Variants in ITGA4 observed in about 807,000 individuals in gnomAD.
ITGA4 encodes the protein integrin alpha-4.
Under a neutral mutation model 133.6 loss-of-function variants are expected in ITGA4, and 63 were observed. That is an observed-to-expected ratio of 0.47 (90% CI 0.38 to 0.58). The LOEUF (loss-of-function observed/expected upper bound fraction) is 0.58, where lower values mean the gene tolerates loss of function less well. ITGA4 is among the 20% of genes least tolerant of loss of function. ITGA4 has a pLI of 0.00. For missense variants in ITGA4, 1,076 were observed against 1,252.7 expected (o/e 0.86, Z 2.13); for synonymous variants, 483 against 438.0 (o/e 1.10, Z -1.28).
chr2:181,470,285 T>G (rs1422067916), intron 2 of ITGA4, among the ~76,000 whole-genome samples: 1 of 152,084 alleles, frequency 6.6e-6, no homozygotes, highest in Non-Finnish European at 1.5e-5. Flanking sequence ...TATGAGATTT[T>G]CTTGCAATTT....
chr2:181,538,775 G>C lies in ITGA4; in HGVS notation c.*3248G>C, dbSNP rs1298521136. ...CAGATGGCTCCACTAAAAGATTTAA[G>C]ATCTTGATCCATTTTTAAAAATCCA... On this transcript the variant is annotated 3_prime_UTR_variant, in exon 28 of 28. Coordinates refer to ENST00000397033, the MANE Select transcript of ITGA4 (RefSeq NM_000885.6). 4.6e-5 allele frequency among the ~76,000 whole-genome samples: 7 copies of C among 152,272 alleles called. No individual in the cohort carries two copies. Among genetic ancestry groups the C allele is most frequent in the Admixed American group, 4.6e-4 (7 of 15,282 alleles).
chr2:181,528,412 C>T (rs1686876818), intron 22 of ITGA4, among the ~76,000 whole-genome samples: 1 of 152,196 alleles, frequency 6.6e-6, no homozygotes, highest in Admixed American at 6.5e-5. Flanking sequence ...TATTAATTTA[C>T]AATTAATAGT....
chr2:181,473,745 A>C (rs1685609334), intron 2 of ITGA4, among the ~76,000 whole-genome samples: 1 of 152,200 alleles, frequency 6.6e-6, no homozygotes, highest in South Asian at 2.1e-4. Flanking sequence ...AAGCAAGAGG[A>C]TCACTTGAGG....
chr2:181,474,882 G>T, intron 2 of ITGA4, 78 bp from the exon 3 acceptor site: 1 of 988,154 alleles, frequency 1.0e-6, no homozygotes, highest in Non-Finnish European at 1.6e-6. Flanking sequence ...GAAAAATACT[G>T]GGGATGAGTG....
intron 22 of ITGA4, among the ~76,000 whole-genome samples, chr2:181,528,660 A>C (rs1686882205): frequency 6.6e-6 from 1 of 152,180 alleles, no homozygotes; most frequent in Non-Finnish European, 1.5e-5. Context: ...CTGTGCTTTT[A>C]TGGATTAGCA....
rs947418437 is a variant in ITGA4, at chr2:181,534,360, A to C, written c.2873A>C (p.Asn958Thr). The change falls in exon 26 of 28, where the codon AAT (asparagine) becomes ACT (threonine). Residue 958 changes from asparagine (N) to threonine (T), a missense_variant. Coordinates refer to ENST00000397033, the MANE Select transcript of ITGA4 (RefSeq NM_000885.6). Reference protein sequence around the residue: ...PRVIELNKDENVAHVLLEGLH... With the variant: ...PRVIELNKDETVAHVLLEGLH... ...GTAATTGAACTAAACAAGGATGAGAATGTTGCGCATGTAAGATTACCCTCT... is the reference window on the plus strand; with the variant it reads ...GTAATTGAACTAAACAAGGATGAGACTGTTGCGCATGTAAGATTACCCTCT... The C allele has an allele frequency of 1.9e-6, 3 of 1,570,886 alleles. No individual in the cohort carries two copies. Among genetic ancestry groups the C allele is most frequent in the Non-Finnish European group, 2.6e-6 (3 of 1,141,398 alleles).
At chr2:181,531,496 A>G (rs893439141) in intron 24 of ITGA4, among the ~76,000 whole-genome samples, 161 bp from the exon 25 acceptor site, 3 of 152,242 alleles carry the variant, frequency 2.0e-5, no homozygotes, top group Non-Finnish European at 4.4e-5. Flanking sequence ...GTTTAAAGGT[A>G]ATTTAAATGC....
rs1224520294 is a variant in ITGA4 at position 181,538,840 on chromosome 2, C to T, written c.*3313C>T. Among the ~76,000 whole-genome samples, 2 of 152,124 alleles carry T rather than the reference C, an allele frequency of 1.3e-5. No individual in the cohort carries two copies. The highest frequency in any genetic ancestry group is 2.4e-5 in the African/African-American group (1 of 41,442). ...GACATTATCTGTAGTTTATGCACAA[C>T]AATAAATTAGAAAGCCAATGTAGAC... On this transcript the variant is annotated 3_prime_UTR_variant, in exon 28 of 28. Coordinates refer to ENST00000397033, the MANE Select transcript of ITGA4 (RefSeq NM_000885.6).
In ITGA4 at chr2:181,477,474, T is replaced by C. The variant is rs541537995; in HGVS notation, c.557-1283T>C. Among the ~76,000 whole-genome samples, 3 of 152,234 alleles carry C rather than the reference T, an allele frequency of 2.0e-5. No individual in the cohort carries two copies. In the South Asian group the frequency reaches 6.2e-4, roughly 32 times the overall value. On this transcript the variant is annotated intron_variant, in intron 4 of 27. Transcript: ENST00000397033. ...GCATAAGTCCTATATATTTAAAATG[T>C]ATAAGGATCTCACCAACTCGATAGC...
chr2:181,515,087 G>C (rs531125083), intron 17 of ITGA4, among the ~76,000 whole-genome samples: 83 of 152,044 alleles, frequency 5.5e-4, no homozygotes, highest in African/African-American at 2.0e-3. Flanking sequence ...GAACTAAAGG[G>C]GACCAGGCCA....
At position 181,530,639 on chromosome 2, in the gene ITGA4, A is replaced by T. The variant is rs746593735; in HGVS notation, c.2654A>T (p.Lys885Met). 6.2e-7 allele frequency: 1 copy of T among 1,611,228 alleles called. No homozygotes were observed. The highest frequency in any genetic ancestry group is 1.1e-5 in the South Asian group (1 of 90,550). Residue 885 changes from lysine (K) to methionine (M), a missense_variant, in exon 24 of 28, where the codon AAG becomes ATG. Lys to Met is a moderately conservative substitution (Grantham distance 95). This residue lies in a region of ITGA4 where 193 missense variants were observed against 172.3 expected (regional missense o/e 1.12). Transcript: ENST00000397033. Reference protein sequence around the residue: ...GIVRFLSKTDKRLLYCIKADP... With the variant: ...GIVRFLSKTDMRLLYCIKADP... ...GTCCGGTTCTTGTCCAAGACTGATA[A>T]GAGGCTATTGGTAAGTTTCAGTTTT...
Position 181,458,282 on chromosome 2 carries a change from A to G in ITGA4, c.284A>G (p.Lys95Arg), listed in dbSNP as rs1685182771. 2 of 1,612,986 alleles carry G rather than the reference A, an allele frequency of 1.2e-6. No individual in the cohort carries two copies. The highest frequency in any genetic ancestry group is 1.7e-6 in the Non-Finnish European group (2 of 1,179,504). ...GCGATTTACAGATGCAGGATCGGAA[A>G]GAATCCCGGCCAGACGTGCGAACAG... ...PGAIYRCRIG[K>R]NPGQTCEQLQ... is the part of the protein sequence containing the mutation. Residue 95 changes from lysine (K) to arginine (R), a missense_variant, in exon 2 of 28, where the codon AAG becomes AGG. This residue lies in a region of ITGA4 where 436 missense variants were observed against 590.7 expected (regional missense o/e 0.74). Coordinates refer to ENST00000397033, the MANE Select transcript of ITGA4 (RefSeq NM_000885.6).
intron 15 of ITGA4, among the ~76,000 whole-genome samples, chr2:181,501,703 G>C (rs1202036293): frequency 6.6e-6 from 1 of 152,084 alleles, no homozygotes; most frequent in Admixed American, 6.6e-5. Context: ...ATGACTCCAG[G>C]GTCTTTAGCC....
At chr2:181,491,230 A>T (rs1463330356) in intron 10 of ITGA4, among the ~76,000 whole-genome samples, 1 of 152,172 alleles carries the variant, frequency 6.6e-6, no homozygotes, top group Non-Finnish European at 1.5e-5. Context: ...CACTCTTGCT[A>T]ATAACAGGTA....
At chr2:181,528,709 C>G (rs992880736) in intron 22 of ITGA4, among the ~76,000 whole-genome samples, 1 of 152,202 alleles carries the variant, frequency 6.6e-6, no homozygotes, top group Admixed American at 6.5e-5. Flanking sequence ...CTTTCTTCAT[C>G]TATGTCACAT....
intron 1 of ITGA4, 22 bp downstream of exon 1, chr2:181,457,873 C>G (rs202174387): frequency 9.5e-6 from 15 of 1,584,648 alleles, no homozygotes; most frequent in Non-Finnish European, 1.3e-5. Context: ...TGGACTGATG[C>G]GCCCTCAGCA....
chr2:181,530,957 T>C (rs1206923159), intron 24 of ITGA4, among the ~76,000 whole-genome samples: 1 of 151,780 alleles, frequency 6.6e-6, no homozygotes, highest in Non-Finnish European at 1.5e-5. Context: ...TGAAACCCCG[T>C]CTCTACTAAA....
Position 181,495,306 on chromosome 2 carries a change from T to C in ITGA4, c.1340-65T>C. On this transcript the variant is annotated intron_variant, in intron 12 of 27. Transcript: ENST00000397033. This position sits in a 1 kb window ranked among gnomAD's most constrained non-coding sequence, Gnocchi z 4.3. ...AAGGTGATACGTAGTTAAGTATTTA[T>C]GGCTGAAAAATAATTCTCTTTGACT... The C allele has an allele frequency of 4.0e-6, 5 of 1,237,384 alleles. No homozygotes were observed. Among genetic ancestry groups the C allele is most frequent in the East Asian group, 2.3e-5 (1 of 43,054 alleles). The allele number at this position is 1,237,384 out of a possible 1,614,324, so 76.7% of individuals were successfully genotyped here.
chr2:181,538,440 A>C lies in ITGA4; in HGVS notation c.*2913A>C, dbSNP rs1316980086. 1.3e-5 allele frequency among the ~76,000 whole-genome samples: 2 copies of C among 152,112 alleles called. No homozygotes were observed. Among genetic ancestry groups the C allele is most frequent in the East Asian group, 3.9e-4 (2 of 5,190 alleles). ...CAATAATTGCTCTAAAACCTCCTTA[A>C]CTGACTTCCTTGATTGTCCAATGCT... On this transcript the variant is annotated 3_prime_UTR_variant, in exon 28 of 28. Coordinates refer to ENST00000397033, the MANE Select transcript of ITGA4 (RefSeq NM_000885.6).
Sources: allele counts gnomAD v4.1 joint callset (sites outside exome capture counted in the v4.1 genomes callset), GRCh38; gene constraint gnomAD v4.1.1; regional missense constraint gnomAD v4.1.1; non-coding constraint Gnocchi (gnomAD v3.1); transcripts MANE v1.5; gene names NCBI Gene and HGNC (gene_info 2026-07-23, HGNC 2026-07-21).